HRH1: variants seen among roughly 807,000 people sequenced by gnomAD.
The protein encoded by HRH1 is histamine receptor H1.
A neutral mutation model predicts 10.3 loss-of-function variants in HRH1; 6 were observed. The observed-to-expected ratio is 0.58, with a 90% CI of 0.32 to 1.15. HRH1 has a LOEUF of 1.15. Among genes scored for constraint, HRH1 ranks in the 50% most tolerant of loss-of-function variants. The pLI, the probability that HRH1 is intolerant of heterozygous loss-of-function variation, is 0.05. For synonymous variants in HRH1, 242 were observed against 236.7 expected (o/e 1.02, Z -0.21); for missense variants, 514 against 615.3 (o/e 0.84, Z 1.74).
upstream of HRH1, among the ~76,000 whole-genome samples, chr3:11,150,392 G>A (rs1292020164): frequency 6.6e-6 from 1 of 152,244 alleles, no homozygotes; most frequent in Non-Finnish European, 1.5e-5. Flanking sequence ...GGCTGCATGA[G>A]AAAGAGCCAT....
chr3:11,173,484 G>A (rs1279202292), intron 1 of HRH1, among the ~76,000 whole-genome samples: 1 of 151,168 alleles, frequency 6.6e-6, no homozygotes, highest in Non-Finnish European at 1.5e-5. Context: ...CTCACTGCAA[G>A]TTCCTCCTCC....
chr3:11,208,962 A>C (rs1237771226), intron 1 of HRH1, among the ~76,000 whole-genome samples: 2 of 152,188 alleles, frequency 1.3e-5, no homozygotes, highest in Non-Finnish European at 2.9e-5. Flanking sequence ...GAGAGTAATA[A>C]TTTGCATCAC....
intron 1 of HRH1, among the ~76,000 whole-genome samples, chr3:11,191,116 C>G (rs1054284375): frequency 2.0e-4 from 31 of 152,304 alleles, no homozygotes; most frequent in African/African-American, 7.0e-4. Flanking sequence ...CTTAGTAATA[C>G]TTCCTCCCTC....
At chr3:11,209,797 T>C (rs1016519708) in intron 1 of HRH1, among the ~76,000 whole-genome samples, 1 of 152,344 alleles carries the variant, frequency 6.6e-6, no homozygotes, top group East Asian at 1.9e-4. Context: ...TACTCTATTT[T>C]ACAGAGGAGG....
At chr3:11,170,367 T>C (rs1159693529) in intron 1 of HRH1, among the ~76,000 whole-genome samples, 1 of 152,238 alleles carries the variant, frequency 6.6e-6, no homozygotes, top group Non-Finnish European at 1.5e-5. Context: ...ACTCTTCCCT[T>C]GGAGGAGATG....
intron 1 of HRH1, among the ~76,000 whole-genome samples, chr3:11,200,271 A>G (rs75590166): frequency 7.2e-4 from 110 of 152,302 alleles, no homozygotes; most frequent in Non-Finnish European, 1.2e-3. Context: ...AGCTGCCCTA[A>G]CTTGGGACTT....
At chr3:11,192,151 A>G (rs1041400669) in intron 1 of HRH1, among the ~76,000 whole-genome samples, 1 of 152,200 alleles carries the variant, frequency 6.6e-6, no homozygotes, top group Non-Finnish European at 1.5e-5. Flanking sequence ...GAACTATAAT[A>G]TACATGAAAG....
intron 1 of HRH1, among the ~76,000 whole-genome samples, chr3:11,201,366 A>G (rs1431583674): frequency 6.6e-6 from 1 of 152,228 alleles, no homozygotes. Context: ...CATGTGCACA[A>G]GCTCCAAAGT....
chr3:11,170,762 C>A (rs1302976215), intron 1 of HRH1, among the ~76,000 whole-genome samples: 1 of 152,142 alleles, frequency 6.6e-6, no homozygotes, highest in Non-Finnish European at 1.5e-5. Flanking sequence ...ATGAGGTATG[C>A]CAGGAAAATT....
Position 11,162,021 on chromosome 3 carries a change from C to T in HRH1, c.-36+7467C>T, listed in dbSNP as rs145964582. ...AGAGTGACAGTGGAGCGTGTGGGCT[C>T]GCAAATGCTGAAGGCCAGGATGGGC... On this transcript the variant is annotated intron_variant, in intron 1 of 1. Transcript: ENST00000431010. 4.9e-4 allele frequency among the ~76,000 whole-genome samples: 74 copies of T among 152,208 alleles called. 1 individual carries two copies. Among genetic ancestry groups the T allele is most frequent in the African/African-American group, 1.5e-3 (62 of 41,518 alleles).
chr3:11,228,783 G>C (rs748395678), intron 1 of HRH1, among the ~76,000 whole-genome samples: 1 of 152,042 alleles, frequency 6.6e-6, no homozygotes, highest in Non-Finnish European at 1.5e-5. Context: ...GCGTGGTGGT[G>C]CGTGCCTGTT....
At chr3:11,138,546 C>T (rs914089500) in intron 1 of HRH1, among the ~76,000 whole-genome samples, 1 of 152,092 alleles carries the variant, frequency 6.6e-6, no homozygotes, top group African/African-American at 2.4e-5. Flanking sequence ...ATGGAATGTA[C>T]CACGGTGCAG....
intron 1 of HRH1, among the ~76,000 whole-genome samples, chr3:11,175,792 CA>C (rs1342854026): frequency 2.0e-5 from 3 of 152,138 alleles, no homozygotes; most frequent in Non-Finnish European, 4.4e-5. Flanking sequence ...ACAAGGGACT[CA>C]ACCCATGGTG....
At chr3:11,215,928 A>G (rs1404933347) in intron 1 of HRH1, among the ~76,000 whole-genome samples, 1 of 152,156 alleles carries the variant, frequency 6.6e-6, no homozygotes, top group Non-Finnish European at 1.5e-5. Flanking sequence ...TTAAACAAGT[A>G]TTAGAGACAT....
At chr3:11,216,828 C>T (rs545253542) in intron 1 of HRH1, among the ~76,000 whole-genome samples, 7 of 151,248 alleles carry the variant, frequency 4.6e-5, no homozygotes, top group South Asian at 2.1e-4. Flanking sequence ...TGCAGGGAGC[C>T]GAGGTTGTAC....
At chr3:11,231,453 G>C (rs1939039063) in intron 1 of HRH1, among the ~76,000 whole-genome samples, 1 of 152,172 alleles carries the variant, frequency 6.6e-6, no homozygotes, top group Non-Finnish European at 1.5e-5. Context: ...ATTCCCATCA[G>C]AAATGTATGA....
intron 1 of HRH1, among the ~76,000 whole-genome samples, chr3:11,201,915 T>C (rs537658132): frequency 1.2e-3 from 178 of 152,286 alleles, no homozygotes; most frequent in African/African-American, 4.1e-3. Flanking sequence ...TGTTGGGCAG[T>C]CTCTTGTTTT....
chr3:11,253,151 G>C (rs201044772), intron 1 of HRH1: 1 of 151,908 alleles, frequency 6.6e-6, no homozygotes, highest in Non-Finnish European at 1.5e-5. Context: ...AGTTTTTCTT[G>C]TGAACAAGTT....
chr3:11,163,168 C>T (rs901254862), intron 1 of HRH1, among the ~76,000 whole-genome samples: 4 of 152,158 alleles, frequency 2.6e-5, no homozygotes, highest in Non-Finnish European at 5.9e-5. Flanking sequence ...AGCTCCTCCC[C>T]ACTGTGCATC....
Sources: gnomAD v4.1 joint callset for allele counts (sites outside exome capture counted in the v4.1 genomes callset) on GRCh38, gnomAD v4.1.1 for gene constraint, MANE v1.5 for transcripts, NCBI Gene and HGNC (gene_info 2026-07-23, HGNC 2026-07-21) for gene names.